EBF1: variants seen among roughly 807,000 people sequenced by gnomAD.
The protein encoded by EBF1 is EBF transcription factor 1, also known as transcription factor COE1.
EBF1 carries 10 observed loss-of-function variants against 68.4 expected under a neutral mutation model. The ratio of observed to expected loss-of-function variants is 0.15; its 90% CI spans 0.09 to 0.25. The LOEUF (loss-of-function observed/expected upper bound fraction) is 0.25, where lower values mean the gene tolerates loss of function less well. EBF1 is among the 10% of genes least tolerant of loss of function. The pLI, the probability that EBF1 is intolerant of heterozygous loss-of-function variation, is 1.00. For missense variants in EBF1, 509 were observed against 794.4 expected, an observed-to-expected ratio of 0.64 and a Z score of 4.32; for synonymous variants, 298 against 299.8, an observed-to-expected ratio of 0.99 and a Z score of 0.06.
Position 158,792,302 on chromosome 5 carries a change from C to T in EBF1, c.909+4043G>A, listed in dbSNP as rs565469257. On this transcript the variant is annotated intron_variant, in intron 9 of 15. Coordinates refer to ENST00000313708, the MANE Select transcript of EBF1 (RefSeq NM_024007.5). ...AGGGGGCAAATCAAATTCACAAGAA[C>T]GCCATGTGAACTTGGGAGCTCGCAG... Among the ~76,000 whole-genome samples, 7 of 152,308 alleles carry T rather than the reference C, an allele frequency of 4.6e-5. No homozygotes were observed. In the South Asian group the frequency reaches 8.3e-4, roughly 18 times the overall value.
At chr5:158,995,057 A>G (rs1277381232) in intron 6 of EBF1, among the ~76,000 whole-genome samples, 2 of 152,182 alleles carry the variant, frequency 1.3e-5, no homozygotes, top group African/African-American at 4.8e-5. Context: ...GCTTTGCCCA[A>G]TAAGGCATCC....
chr5:158,904,944 A>G (rs1562263738), intron 6 of EBF1, among the ~76,000 whole-genome samples: 1 of 152,186 alleles, frequency 6.6e-6, no homozygotes, highest in Non-Finnish European at 1.5e-5. Context: ...GTGTGTTGTA[A>G]CATCTTCTAG....
At chr5:158,969,534 C>A (rs1190051858) in intron 6 of EBF1, among the ~76,000 whole-genome samples, 1 of 141,772 alleles carries the variant, frequency 7.1e-6, no homozygotes, top group Non-Finnish European at 1.5e-5. Flanking sequence ...GAGGCCGAGG[C>A]AGGAGGATCA....
chr5:158,905,959 T>C (rs528053872), intron 6 of EBF1, among the ~76,000 whole-genome samples: 6 of 152,256 alleles, frequency 3.9e-5, no homozygotes, highest in Non-Finnish European at 7.4e-5. Flanking sequence ...ATGAAACACA[T>C]GCCTTCGTTA....
intron 4 of EBF1, among the ~76,000 whole-genome samples, chr5:159,093,485 T>C (rs905739258): frequency 1.4e-4 from 21 of 152,168 alleles, no homozygotes; most frequent in African/African-American, 5.1e-4. Flanking sequence ...ATAAAACTAA[T>C]CTTGTTCTTA....
At chr5:158,906,057 T>C (rs901773525) in intron 6 of EBF1, among the ~76,000 whole-genome samples, 21 of 152,044 alleles carry the variant, frequency 1.4e-4, no homozygotes, top group Admixed American at 5.2e-4. Flanking sequence ...AGCAGAGAAA[T>C]GTTGCCACCA....
intron 6 of EBF1, among the ~76,000 whole-genome samples, chr5:158,860,745 C>T (rs1249606642): frequency 6.6e-6 from 1 of 151,830 alleles, no homozygotes; most frequent in Admixed American, 6.6e-5. Context: ...TGCTCCTTCT[C>T]CCCTTCAGTC....
intron 6 of EBF1, chr5:158,985,914 T>G (rs1050066420): frequency 1.3e-5 from 2 of 152,514 alleles, no homozygotes; most frequent in Admixed American, 6.5e-5. Context: ...AGGTCAGCAC[T>G]GTGCAACAAA....
intron 11 of EBF1, among the ~76,000 whole-genome samples, chr5:158,725,938 A>G (rs1327590520): frequency 3.3e-5 from 5 of 152,198 alleles, no homozygotes; most frequent in Non-Finnish European, 2.9e-5. Flanking sequence ...GTGTTTGCAA[A>G]TCTGACTTGC....
intron 6 of EBF1, among the ~76,000 whole-genome samples, chr5:158,931,284 C>A (rs944073257): frequency 6.6e-6 from 1 of 152,172 alleles, no homozygotes; most frequent in Non-Finnish European, 1.5e-5. Flanking sequence ...CAACATACTC[C>A]ACACTTATTT....
chr5:158,880,724 G>A (rs1798755353), intron 6 of EBF1, among the ~76,000 whole-genome samples: 1 of 152,158 alleles, frequency 6.6e-6, no homozygotes, highest in Non-Finnish European at 1.5e-5. Flanking sequence ...GTTCAGTTGT[G>A]CACATTTTTC....
At chr5:159,068,980 TG>T (rs1777339358) in intron 6 of EBF1, among the ~76,000 whole-genome samples, 1 of 151,946 alleles carries the variant, frequency 6.6e-6, no homozygotes, top group African/African-American at 2.4e-5. Flanking sequence ...TTCTTAAAAA[TG>T]GGGGAAAAAG....
At chr5:158,778,041 C>T (rs1024112778) in intron 9 of EBF1, among the ~76,000 whole-genome samples, 16 of 152,080 alleles carry the variant, frequency 1.1e-4, no homozygotes, top group African/African-American at 3.9e-4. Flanking sequence ...GAGGCACAAT[C>T]AAAGAGCTTT....
At position 159,073,335 on chromosome 5, in the gene EBF1, A is replaced by G. The variant is rs935811783; in HGVS notation, c.554+61T>C. 12 of 1,565,340 alleles carry G rather than the reference A, an allele frequency of 7.7e-6. No homozygotes were observed. In the Admixed American group the frequency reaches 1.0e-4, roughly 13 times the overall value. On this transcript the variant is annotated intron_variant, in intron 6 of 15. Coordinates refer to ENST00000313708, the MANE Select transcript of EBF1 (RefSeq NM_024007.5). The stretch of plus-strand genomic sequence containing the variant: ...CCTAACCCTCGCCCATGAGCAACAC[A>G]AGGGCAGGTGTTTCATTATAATGAG...
intron 6 of EBF1, among the ~76,000 whole-genome samples, chr5:158,933,266 G>A (rs886780761): frequency 8.6e-5 from 13 of 151,996 alleles, no homozygotes; most frequent in East Asian, 1.9e-4. Flanking sequence ...TAAAGGAAGC[G>A]GGGATAGTTC....
intron 6 of EBF1, among the ~76,000 whole-genome samples, chr5:158,971,359 A>C (rs1318434896): frequency 1.3e-5 from 2 of 152,178 alleles, no homozygotes; most frequent in Non-Finnish European, 2.9e-5. Flanking sequence ...TGATGGTAAA[A>C]AGTCAACTAG....
rs773956369 is a variant in EBF1, at chr5:158,777,556, G to T, written c.910-17C>A. The T allele has an allele frequency of 1.3e-6, 2 of 1,580,404 alleles. No homozygotes were observed. Among genetic ancestry groups the T allele is most frequent in the Non-Finnish European group, 1.7e-6 (2 of 1,161,626 alleles). On this transcript the variant is annotated splice_polypyrimidine_tract_variant and intron_variant, in intron 9 of 15. Transcript: ENST00000313708. ...AGTGATCAACTGGAGGAGACATTTG[G>T]GGGGAAAAATTGTCATTGCAATAGT...
chr5:159,066,876 G>T (rs1776901022), intron 6 of EBF1, among the ~76,000 whole-genome samples: 2 of 152,116 alleles, frequency 1.3e-5, no homozygotes, highest in African/African-American at 2.4e-5. Flanking sequence ...GAGTATTGAG[G>T]TCACTTTTAT....
At chr5:158,733,467 T>C (rs965971661) in intron 10 of EBF1, among the ~76,000 whole-genome samples, 5 of 152,132 alleles carry the variant, frequency 3.3e-5, no homozygotes, top group Admixed American at 6.5e-5. Flanking sequence ...TCTCCGGCTA[T>C]ATGGCCAGCT....
Sources: allele counts gnomAD v4.1 joint callset (sites outside exome capture counted in the v4.1 genomes callset), GRCh38; gene constraint gnomAD v4.1.1; transcripts MANE v1.5; gene names NCBI Gene and HGNC (gene_info 2026-07-23, HGNC 2026-07-21).